RAB3IL1: variants seen among roughly 807,000 people sequenced by gnomAD.
The protein encoded by RAB3IL1 is guanine nucleotide exchange factor for Rab-3A.
RAB3IL1 carries 37 observed loss-of-function variants against 49.2 expected under a neutral mutation model. That is an observed-to-expected ratio of 0.75 (90% CI 0.58 to 0.99). RAB3IL1 has a LOEUF of 0.99. Ranked by LOEUF, RAB3IL1 falls within the 50% of genes least tolerant of loss-of-function variation. RAB3IL1 has a pLI of 0.00. For synonymous variants in RAB3IL1, 193 were observed against 213.9 expected (o/e 0.90, Z 0.85); for missense variants, 484 against 513.0 (o/e 0.94, Z 0.55).
At chr11:61,903,609 C>A (rs577396830) in intron 7 of RAB3IL1, among the ~76,000 whole-genome samples, 1 of 151,896 alleles carries the variant, frequency 6.6e-6, no homozygotes, top group Admixed American at 6.6e-5. Context: ...CCACAACCTC[C>A]GTCTCCCAGG....
chr11:61,932,246 G>C, the RAB3IL1 span, among the ~76,000 whole-genome samples: 1 of 150,458 alleles, frequency 6.6e-6, no homozygotes. Context: ...GCGAGACTCT[G>C]TCTCAAAAAA....
chr11:61,913,380 G>T (rs563049731), intron 1 of RAB3IL1, among the ~76,000 whole-genome samples: 10 of 152,308 alleles, frequency 6.6e-5, no homozygotes, highest in African/African-American at 2.2e-4. Context: ...CCAGAGTAGG[G>T]AGAAGGGCAC....
the RAB3IL1 span, among the ~76,000 whole-genome samples, chr11:61,931,908 G>A: frequency 6.6e-6 from 1 of 152,136 alleles, no homozygotes. Context: ...TAGAAAAGTA[G>A]AGAATCAATT....
intron 1 of RAB3IL1, among the ~76,000 whole-genome samples, chr11:61,909,905 G>A (rs1181328952): frequency 6.6e-6 from 1 of 152,176 alleles, no homozygotes; most frequent in Non-Finnish European, 1.5e-5. Context: ...TCAAGAGTTC[G>A]AGACCAGCCT....
chr11:61,908,244 C>A lies in RAB3IL1; in HGVS notation c.74G>T (p.Ser25Ile). 6.5e-7 allele frequency: 1 copy of A among 1,532,364 alleles called. No homozygotes were observed. The highest frequency in any genetic ancestry group is 8.8e-7 in the Non-Finnish European group (1 of 1,138,214). 94.9% of individuals were successfully genotyped at this position (1,532,364 alleles called of 1,614,324 possible). The change falls in exon 2 of 10, where the codon AGC becomes ATC. Residue 25 changes from serine (S) to isoleucine (I), a missense_variant. Ser to Ile is a moderately radical substitution (Grantham distance 142, BLOSUM62 -2). Coordinates refer to ENST00000394836, the MANE Select transcript of RAB3IL1 (RefSeq NM_013401.4). The part of the protein sequence containing the change: ...PLAAVPVPWK[S>I]TDPCQGHRES... Reference sequence around the variant, plus strand: ...CCTGTGGCCTTGGCAGGGGTCCGTGCTCTTCCAGGGGACCGGGACAGCTGC... The same window carrying A: ...CCTGTGGCCTTGGCAGGGGTCCGTGATCTTCCAGGGGACCGGGACAGCTGC...
chr11:61,905,177 C>T (rs1211790853), intron 5 of RAB3IL1, among the ~76,000 whole-genome samples: 2 of 152,188 alleles, frequency 1.3e-5, no homozygotes, highest in Non-Finnish European at 2.9e-5. Flanking sequence ...CCCTCAGTGC[C>T]TCCTTGAGGA....
chr11:61,918,254 C>A (rs1939796929), upstream of RAB3IL1, among the ~76,000 whole-genome samples: 2 of 152,186 alleles, frequency 1.3e-5, no homozygotes, highest in South Asian at 4.1e-4. Flanking sequence ...CTCTGTCCCA[C>A]CCATTCTGAG....
intron 1 of RAB3IL1, among the ~76,000 whole-genome samples, chr11:61,913,697 C>T (rs1939560711): frequency 6.6e-6 from 1 of 152,166 alleles, no homozygotes; most frequent in Admixed American, 6.5e-5. Context: ...GAATTGACAC[C>T]GAAGACCTCC....
At position 61,898,509 on chromosome 11, in the gene RAB3IL1, C is replaced by T. The variant is rs1369836990; in HGVS notation, c.1067-149G>A. The T allele has an allele frequency of 1.5e-6, 1 of 669,600 alleles. No homozygotes were observed. The highest frequency in any genetic ancestry group is 2.6e-5 in the East Asian group (1 of 38,642). The allele number at this position is 669,600 out of a possible 1,614,324, so 41.5% of individuals were successfully genotyped here. On this transcript the variant is annotated intron_variant, in intron 9 of 9. Transcript: ENST00000394836. The surrounding 1 kb of genome is among the most constrained non-coding windows in gnomAD (Gnocchi z 5.1). ...CAAAACAGATGACCTCAGTGAGTGG[C>T]TGGACCTCTCTGAGGCTCCACTCTT...
chr11:61,906,782 G>T lies in RAB3IL1; in HGVS notation c.439-98C>A. Reference sequence around the variant, plus strand: ...TAACTCAGGACAATGCACCCCTGCAGTGACAGGCACTTAGTCCCACCCGAC... The same window carrying T: ...TAACTCAGGACAATGCACCCCTGCATTGACAGGCACTTAGTCCCACCCGAC... On this transcript the variant is annotated intron_variant, in intron 4 of 9. Transcript: ENST00000394836. This position sits in a 1 kb window ranked among gnomAD's most constrained non-coding sequence, Gnocchi z 4.6. 8.6e-7 allele frequency: 1 copy of T among 1,168,254 alleles called. No individual in the cohort carries two copies. Among genetic ancestry groups the T allele is most frequent in the Non-Finnish European group, 1.2e-6 (1 of 808,892 alleles). 72.4% of individuals were successfully genotyped at this position (1,168,254 alleles called of 1,614,324 possible). A position where few individuals can be genotyped will look rare whatever the true frequency, so the allele number is the denominator to read the frequency against.
rs1591213125 is a variant in RAB3IL1, at chr11:61,899,314, C to T, written c.1066G>A (p.Ala356Thr). The T allele has an allele frequency of 1.9e-6, 3 of 1,605,406 alleles. No homozygotes were observed. Among genetic ancestry groups the T allele is most frequent in the South Asian group, 2.2e-5 (2 of 90,854 alleles). Residue 356 changes from alanine to threonine, a missense_variant and splice_region_variant, in exon 9 of 10, where the codon GCA becomes ACA. Ala to Thr is a moderately conservative substitution (Grantham distance 58). Coordinates refer to ENST00000394836, the MANE Select transcript of RAB3IL1 (RefSeq NM_013401.4). ...GCACCGGCCACCAGGGGGCGCTCACCGTCCTGCCGCACCAGGCCTTGCTGG... is the reference window on the plus strand; with the variant it reads ...GCACCGGCCACCAGGGGGCGCTCACTGTCCTGCCGCACCAGGCCTTGCTGG... Reference protein sequence around the residue: ...YIQQGLVRQDAEPMFWEIMRL... With the variant: ...YIQQGLVRQDTEPMFWEIMRL...
chr11:61,906,777 C>A lies in RAB3IL1; in HGVS notation c.439-93G>T. On this transcript the variant is annotated intron_variant, in intron 4 of 9. Coordinates refer to ENST00000394836, the MANE Select transcript of RAB3IL1 (RefSeq NM_013401.4). This position sits in a 1 kb window ranked among gnomAD's most constrained non-coding sequence, Gnocchi z 4.6. ...CAGCCTAACTCAGGACAATGCACCC[C>A]TGCAGTGACAGGCACTTAGTCCCAC... is the stretch of plus-strand genomic sequence containing the variant. The A allele has an allele frequency of 1.6e-6, 2 of 1,217,398 alleles. No homozygotes were observed. The highest frequency in any genetic ancestry group is 1.3e-5 in the South Asian group (1 of 77,590). The allele number at this position is 1,217,398 out of a possible 1,614,324, so 75.4% of individuals were successfully genotyped here.
At chr11:61,924,113 C>T (rs1474142238), upstream of RAB3IL1, among the ~76,000 whole-genome samples, 1 of 152,216 alleles carries the variant, frequency 6.6e-6, no homozygotes, top group African/African-American at 2.4e-5. Flanking sequence ...CACAACAGAC[C>T]TCCTTCGACC....
chr11:61,907,356 G>T (rs768160144), intron 4 of RAB3IL1, 37 bp downstream of exon 4: 1 of 1,604,192 alleles, frequency 6.2e-7, no homozygotes, highest in East Asian at 2.2e-5. Flanking sequence ...CAGGGGGGGT[G>T]CCTGGGCTGG....
upstream of RAB3IL1, among the ~76,000 whole-genome samples, chr11:61,919,685 C>T (rs1939846870): frequency 6.6e-6 from 1 of 152,206 alleles, no homozygotes; most frequent in African/African-American, 2.4e-5. Flanking sequence ...CCTCTGCCTA[C>T]AAGCCACTGC....
chr11:61,904,424 G>T, intron 7 of RAB3IL1, 122 bp downstream of exon 7: 3 of 992,676 alleles, frequency 3.0e-6, no homozygotes, highest in South Asian at 1.4e-5. Context: ...TGCCCTGTGG[G>T]GGCAGCAACT....
intron 1 of RAB3IL1, among the ~76,000 whole-genome samples, chr11:61,915,663 A>T (rs1939646231): frequency 6.6e-6 from 1 of 152,034 alleles, no homozygotes; most frequent in African/African-American, 2.4e-5. Context: ...CACCTCAAGC[A>T]CTTTCTCCTA....
the RAB3IL1 span, among the ~76,000 whole-genome samples, chr11:61,934,462 A>ATGTG: frequency 9.1e-5 from 3 of 33,138 alleles, 1 homozygote; most frequent in African/African-American, 2.6e-4. Flanking sequence ...ATATATATAT[A>ATGTG]TATATATATA....
intron 8 of RAB3IL1, chr11:61,899,618 C>T (rs1386655087): frequency 2.1e-5 from 11 of 518,596 alleles, no homozygotes; most frequent in Admixed American, 3.2e-5. Flanking sequence ...ACGGAGCAGA[C>T]GCGCTTATTA....
Sources: allele counts gnomAD v4.1 joint callset (sites outside exome capture counted in the v4.1 genomes callset), GRCh38; gene constraint gnomAD v4.1.1; non-coding constraint Gnocchi (gnomAD v3.1); transcripts MANE v1.5; gene names NCBI Gene and HGNC (gene_info 2026-07-23, HGNC 2026-07-21).